Variants in ALDH5A1 observed in about 807,000 individuals in gnomAD.
ALDH5A1 encodes aldehyde dehydrogenase 5 family member A1, also known as succinate-semialdehyde dehydrogenase, mitochondrial.
Under a neutral mutation model 54.7 loss-of-function variants are expected in ALDH5A1, and 33 were observed. The ratio of observed to expected loss-of-function variants is 0.60; its 90% confidence interval spans 0.46 to 0.81. ALDH5A1 has a LOEUF of 0.81. Among genes scored for constraint, ALDH5A1 ranks in the 30% least tolerant of loss-of-function variants. ALDH5A1 has a pLI of 0.00. For synonymous variants in ALDH5A1, 294 were observed against 292.7 expected, an observed-to-expected ratio of 1.00 and a Z score of -0.05; for missense variants, 657 against 711.0, an observed-to-expected ratio of 0.92 and a Z score of 0.86.
chr6:24,515,152 T>C lies in ALDH5A1; in HGVS notation c.727-15T>C, dbSNP rs13362724. 5,493 of 1,593,574 alleles carry C rather than the reference T, an allele frequency of 3.4e-3. 98 individuals are homozygous for C. In the African/African-American group the frequency reaches 0.05, roughly 15 times the overall value. On this transcript the variant is annotated splice_polypyrimidine_tract_variant and intron_variant, in intron 4 of 9. Transcript: ENST00000357578. ...TGGTAAATTGTTGGCACATGTTTGC[T>C]GTTTCTCTTTATAGCTTGCAAGCCA...
Position 24,535,123 on chromosome 6 carries a change from T to A in ALDH5A1, c.*1411T>A, listed in dbSNP as rs992975439. 1.3e-5 allele frequency: 2 copies of A among 152,104 alleles called. No homozygotes were observed. Among genetic ancestry groups the A allele is most frequent in the Admixed American group, 1.3e-4 (2 of 15,296 alleles). The allele number at this position is 152,104 out of a possible 1,614,324, so 9.4% of individuals were successfully genotyped here. On this transcript the variant is annotated 3_prime_UTR_variant, in exon 10 of 10. Coordinates refer to ENST00000357578, the MANE Select transcript of ALDH5A1 (RefSeq NM_001080.3). ...TTTCCCCATCTCTGTCTGTGTAGAC[T>A]CCACTTACATCTTGTGGTTATTCTG...
At chr6:24,506,636 C>G (rs2817223) in intron 4 of ALDH5A1, among the ~76,000 whole-genome samples, 1 of 151,900 alleles carries the variant, frequency 6.6e-6, no homozygotes. Flanking sequence ...TTCTGAATAT[C>G]AATTTTATTT....
chr6:24,530,332 C>G (rs1759910392), intron 8 of ALDH5A1, among the ~76,000 whole-genome samples: 1 of 152,002 alleles, frequency 6.6e-6, no homozygotes, highest in Non-Finnish European at 1.5e-5. Flanking sequence ...CATTATTCTC[C>G]CCTACTTTGC....
chr6:24,527,878 T>C, intron 7 of ALDH5A1, 119 bp from the exon 8 acceptor site: 5 of 1,157,042 alleles, frequency 4.3e-6, no homozygotes, highest in South Asian at 2.7e-5. Context: ...GCATGCTTTA[T>C]TGTTAACCTA....
chr6:24,506,081 A>T (rs1436991904), intron 4 of ALDH5A1, among the ~76,000 whole-genome samples: 1 of 151,776 alleles, frequency 6.6e-6, no homozygotes, highest in Non-Finnish European at 1.5e-5. Flanking sequence ...AGGCCTTTTC[A>T]GTGGGCAGGG....
chr6:24,507,766 T>C (rs1354870909), intron 4 of ALDH5A1, among the ~76,000 whole-genome samples: 1 of 152,170 alleles, frequency 6.6e-6, no homozygotes, highest in East Asian at 1.9e-4. Flanking sequence ...GTGTAAAATG[T>C]CTGATTTTAT....
At chr6:24,517,117 G>A (rs191813185) in intron 5 of ALDH5A1, among the ~76,000 whole-genome samples, 9 of 151,892 alleles carry the variant, frequency 5.9e-5, no homozygotes, top group Admixed American at 2.0e-4. Flanking sequence ...AGTGATTCTC[G>A]TGCTCAGATT....
chr6:24,520,285 C>T, intron 5 of ALDH5A1, 116 bp from the exon 6 acceptor site: 1 of 1,131,982 alleles, frequency 8.8e-7, no homozygotes, highest in Non-Finnish European at 1.3e-6. Context: ...AAAGTTATCC[C>T]ATGTACACCA....
rs758193525 is a variant in ALDH5A1 at position 24,509,620 on chromosome 6, G to C, written c.726+4635G>C. ...TAGTTTATGTGTGTAAAGGTGTTCA[G>C]AGTAGCCTTGAATGATCTTTTGTAC... On this transcript the variant is annotated intron_variant, in intron 4 of 9. Coordinates refer to ENST00000357578, the MANE Select transcript of ALDH5A1 (RefSeq NM_001080.3). The surrounding 1 kb of genome is among the most constrained non-coding windows in gnomAD (Gnocchi z 4.7). Among the ~76,000 whole-genome samples the C allele has an allele frequency of 1.3e-5, 2 of 152,098 alleles. No individual in the cohort carries two copies. The highest frequency in any genetic ancestry group is 2.9e-5 in the Non-Finnish European group (2 of 67,984).
chr6:24,536,141 G>A lies in ALDH5A1; in HGVS notation c.*2429G>A, dbSNP rs538523288. Reference sequence around the variant, plus strand: ...TTTAAATAAAGTAGCCATATGTAACGGGATTTTAAAAATATATACATTTTA... The same window carrying A: ...TTTAAATAAAGTAGCCATATGTAACAGGATTTTAAAAATATATACATTTTA... On this transcript the variant is annotated 3_prime_UTR_variant, in exon 10 of 10. Transcript: ENST00000357578. 6 of 152,194 alleles carry A rather than the reference G, an allele frequency of 3.9e-5. No individual in the cohort carries two copies. Among genetic ancestry groups the A allele is most frequent in the Non-Finnish European group, 7.4e-5 (5 of 68,012 alleles). 9.4% of individuals were successfully genotyped at this position (152,194 alleles called of 1,614,324 possible). A position where few individuals can be genotyped will look rare whatever the true frequency, so the allele number is the denominator to read the frequency against.
At chr6:24,508,388 AGAT>A (rs372001965) in intron 4 of ALDH5A1, among the ~76,000 whole-genome samples, 31,152 of 107,014 alleles carry the variant, frequency 0.29, 6,996 homozygotes, top group Non-Finnish European at 0.33. Context: ...AAAAAAAAAA[AGAT>A]TAATAGTCTC....
At chr6:24,508,226 G>T (rs1445175619) in intron 4 of ALDH5A1, among the ~76,000 whole-genome samples, 1 of 151,792 alleles carries the variant, frequency 6.6e-6, no homozygotes, top group East Asian at 1.9e-4. Context: ...AGCTGGGCAT[G>T]GTGGCACGCA....
chr6:24,526,875 T>A (rs865846975), intron 7 of ALDH5A1, among the ~76,000 whole-genome samples: 2 of 103,126 alleles, frequency 1.9e-5, no homozygotes, highest in Non-Finnish European at 3.7e-5. Context: ...ATATATATCT[T>A]CTATATATAT....
intron 2 of ALDH5A1, 48 bp from the exon 3 acceptor site, chr6:24,503,215 T>G (rs775529922): frequency 6.3e-7 from 1 of 1,598,972 alleles, no homozygotes; most frequent in South Asian, 1.1e-5. Context: ...AGAGCCATGC[T>G]TTTATTATTA....
intron 2 of ALDH5A1, 110 bp from the exon 3 acceptor site, chr6:24,503,153 C>T (rs1032526619): frequency 5.1e-5 from 68 of 1,346,482 alleles, no homozygotes; most frequent in Non-Finnish European, 6.7e-5. Flanking sequence ...CTATGGGTAT[C>T]GTTATAGGAG....
rs1273432255 is a variant in ALDH5A1, at chr6:24,509,837, C to T, written c.726+4852C>T. On this transcript the variant is annotated intron_variant, in intron 4 of 9. Coordinates refer to ENST00000357578, the MANE Select transcript of ALDH5A1 (RefSeq NM_001080.3). The surrounding 1 kb of genome is among the most constrained non-coding windows in gnomAD (Gnocchi z 4.7). ...TCTGATCTTGGTTATTTCCTTTCTT[C>T]TGCTGGGTTTGGGTTTGGTTTGTTC... Among the ~76,000 whole-genome samples the T allele has an allele frequency of 6.6e-6, 1 of 151,794 alleles. No homozygotes were observed. Among genetic ancestry groups the T allele is most frequent in the Non-Finnish European group, 1.5e-5 (1 of 67,942 alleles).
chr6:24,522,844 G>A lies in ALDH5A1; in HGVS notation c.1092G>A (p.Met364Ile), dbSNP rs774337000. The change falls in exon 7 of 10, where the codon ATG becomes ATA. Residue 364 changes from methionine to isoleucine, a missense_variant. Physicochemically the swap from Met to Ile is conservative, Grantham distance 10. Coordinates refer to ENST00000357578, the MANE Select transcript of ALDH5A1 (RefSeq NM_001080.3). ...TTGTAAAAGCATTCGCCGAGGCCAT[G>A]AAGAAGAACCTGCGCGTAGGTAATG... ...DAFVKAFAEAMKKNLRVGNGF... is the reference protein window; with the variant it reads ...DAFVKAFAEAIKKNLRVGNGF... 1 of 1,614,148 alleles carries A rather than the reference G, an allele frequency of 6.2e-7. No individual in the cohort carries two copies. Among genetic ancestry groups the A allele is most frequent in the South Asian group, 1.1e-5 (1 of 91,074 alleles).
chr6:24,523,802 C>T (rs148399624), intron 7 of ALDH5A1, among the ~76,000 whole-genome samples: 17 of 152,124 alleles, frequency 1.1e-4, no homozygotes, highest in Admixed American at 7.2e-4. Context: ...TCACAGATGC[C>T]GCGTTCAGGA....
At chr6:24,506,367 C>T (rs1212323112) in intron 4 of ALDH5A1, among the ~76,000 whole-genome samples, 1 of 148,594 alleles carries the variant, frequency 6.7e-6, no homozygotes, top group African/African-American at 2.5e-5. Context: ...AATTTTCTGC[C>T]TCAGCCTCCC....
Sources: allele counts gnomAD v4.1 joint callset (sites outside exome capture counted in the v4.1 genomes callset), GRCh38; gene constraint gnomAD v4.1.1; non-coding constraint Gnocchi (gnomAD v3.1); transcripts MANE v1.5; gene names NCBI Gene and HGNC (gene_info 2026-07-23, HGNC 2026-07-21).